The following PPM1L variants were observed in gnomAD, a reference collection of about 807,000 sequenced individuals.
PPM1L encodes protein phosphatase 1L.
PPM1L carries 13 observed loss-of-function variants against 31.4 expected under a neutral mutation model. The observed-to-expected ratio is 0.41, with a 90% CI of 0.27 to 0.66. PPM1L has a LOEUF of 0.66. Among genes scored for constraint, PPM1L ranks in the 30% least tolerant of loss-of-function variants. The pLI is 0.29. For missense variants in PPM1L, 326 were observed against 453.7 expected (o/e 0.72, Z 2.56); for synonymous variants, 184 against 175.4 (o/e 1.05, Z -0.39).
intron 2 of PPM1L, among the ~76,000 whole-genome samples, chr3:160,987,501 C>G (rs532275867): frequency 6.6e-6 from 1 of 152,306 alleles, no homozygotes; most frequent in Admixed American, 6.5e-5. Context: ...AGATCCCAGC[C>G]AGAGGCCAAT....
At chr3:160,892,165 C>T (rs2108046955) in intron 1 of PPM1L, among the ~76,000 whole-genome samples, 1 of 152,160 alleles carries the variant, frequency 6.6e-6, no homozygotes, top group East Asian at 1.9e-4. Context: ...ATATATGAGG[C>T]TGGATAATTT....
chr3:161,043,565 G>A (rs1482551537), intron 2 of PPM1L, among the ~76,000 whole-genome samples: 1 of 152,204 alleles, frequency 6.6e-6, no homozygotes, highest in East Asian at 1.9e-4. Flanking sequence ...GTGGTGCCCA[G>A]AGTACTGGAC....
At chr3:160,776,553 C>G (rs1035990460) in intron 1 of PPM1L, among the ~76,000 whole-genome samples, 16 of 151,228 alleles carry the variant, frequency 1.1e-4, no homozygotes, top group African/African-American at 3.9e-4. Context: ...GGTTTACTTA[C>G]TGTATGTCTA....
intron 2 of PPM1L, among the ~76,000 whole-genome samples, chr3:161,054,917 T>C (rs1719370847): frequency 6.6e-6 from 1 of 151,976 alleles, no homozygotes; most frequent in Non-Finnish European, 1.5e-5. Flanking sequence ...TAACATAAAA[T>C]GACTTTCAAG....
chr3:160,828,984 T>A (rs1331096064), intron 1 of PPM1L, among the ~76,000 whole-genome samples: 1 of 152,134 alleles, frequency 6.6e-6, no homozygotes, highest in African/African-American at 2.4e-5. Flanking sequence ...CAGCCATTCT[T>A]AGTTAAGGAG....
intron 1 of PPM1L, among the ~76,000 whole-genome samples, chr3:160,808,776 C>T (rs985676047): frequency 1.3e-5 from 2 of 152,198 alleles, no homozygotes; most frequent in Non-Finnish European, 2.9e-5. Context: ...AGCTGGATCT[C>T]TCTTCACAGC....
At chr3:160,925,031 C>T (rs556984322) in intron 1 of PPM1L, among the ~76,000 whole-genome samples, 1 of 152,222 alleles carries the variant, frequency 6.6e-6, no homozygotes, top group Admixed American at 6.5e-5. Context: ...TTTTATATTT[C>T]CTTTCAGAAT....
intron 2 of PPM1L, among the ~76,000 whole-genome samples, chr3:161,023,381 G>T (rs1319519837): frequency 6.6e-6 from 1 of 151,950 alleles, no homozygotes; most frequent in Non-Finnish European, 1.5e-5. Flanking sequence ...AATTCATGAT[G>T]TTCCACAGAT....
At chr3:160,988,266 C>A (rs557787497) in intron 2 of PPM1L, among the ~76,000 whole-genome samples, 1 of 151,944 alleles carries the variant, frequency 6.6e-6, no homozygotes, top group African/African-American at 2.4e-5. Context: ...AAGGTGAGGT[C>A]TGCAAACATT....
At chr3:160,844,010 G>A (rs1713992868) in intron 1 of PPM1L, among the ~76,000 whole-genome samples, 1 of 152,162 alleles carries the variant, frequency 6.6e-6, no homozygotes, top group Admixed American at 6.6e-5. Flanking sequence ...TGTAGTTTAT[G>A]TGTAACTCAA....
At chr3:161,051,288 T>A (rs970900677) in intron 2 of PPM1L, among the ~76,000 whole-genome samples, 1 of 152,082 alleles carries the variant, frequency 6.6e-6, no homozygotes, top group African/African-American at 2.4e-5. Flanking sequence ...ATTTTATTCA[T>A]CTTTATTTCT....
chr3:160,831,601 C>T (rs1044834753), intron 1 of PPM1L, among the ~76,000 whole-genome samples: 2 of 152,196 alleles, frequency 1.3e-5, no homozygotes, highest in African/African-American at 4.8e-5. Context: ...TTAGATGTCT[C>T]TTCCTGTTCA....
At chr3:160,793,092 G>C in intron 1 of PPM1L, among the ~76,000 whole-genome samples, 1 of 152,092 alleles carries the variant, frequency 6.6e-6, no homozygotes, top group Non-Finnish European at 1.5e-5. Context: ...TGATCATCTG[G>C]CTGAGGTAGT....
chr3:160,906,009 GA>G (rs1291966751), intron 1 of PPM1L, among the ~76,000 whole-genome samples: 1 of 151,706 alleles, frequency 6.6e-6, no homozygotes, highest in Non-Finnish European at 1.5e-5. Flanking sequence ...TCTATTCATT[GA>G]ACAATTTCTA....
chr3:160,829,113 C>T (rs1461954655), intron 1 of PPM1L, among the ~76,000 whole-genome samples: 3 of 151,828 alleles, frequency 2.0e-5, no homozygotes, highest in Admixed American at 6.6e-5. Flanking sequence ...TCTCGGTATT[C>T]CAGAACGTGC....
chr3:160,895,559 C>G (rs1043776596), intron 1 of PPM1L, among the ~76,000 whole-genome samples: 3 of 152,080 alleles, frequency 2.0e-5, no homozygotes, highest in Admixed American at 2.0e-4. Context: ...CCCCTCTGAA[C>G]CTTTTTCATG....
intron 1 of PPM1L, among the ~76,000 whole-genome samples, chr3:160,881,058 T>G (rs1321343758): frequency 6.6e-6 from 1 of 152,228 alleles, no homozygotes; most frequent in Non-Finnish European, 1.5e-5. Flanking sequence ...GAGAACAGCT[T>G]GTGACTTTTC....
intron 2 of PPM1L, among the ~76,000 whole-genome samples, chr3:161,015,070 T>G (rs1718039443): frequency 6.9e-6 from 1 of 145,770 alleles, no homozygotes; most frequent in Admixed American, 6.9e-5. Flanking sequence ...GGGCAGTTGG[T>G]AGGGGGAGTA....
chr3:160,962,796 G>A (rs987768838), intron 2 of PPM1L, among the ~76,000 whole-genome samples: 1 of 151,836 alleles, frequency 6.6e-6, no homozygotes, highest in Non-Finnish European at 1.5e-5. Flanking sequence ...GCAAACAGAA[G>A]AGCAAATAAA....
Sources: allele counts gnomAD v4.1 joint callset (sites outside exome capture counted in the v4.1 genomes callset), GRCh38; gene constraint gnomAD v4.1.1; transcripts MANE v1.5; gene names NCBI Gene and HGNC (gene_info 2026-07-23, HGNC 2026-07-21).